The following ALOX5 variants were observed in gnomAD, a reference collection of about 807,000 sequenced individuals.
ALOX5 encodes the protein polyunsaturated fatty acid 5-lipoxygenase.
Under a neutral mutation model 87.9 loss-of-function variants are expected in ALOX5, and 64 were observed. The ratio of observed to expected loss-of-function variants is 0.73; its 90% CI spans 0.60 to 0.90. The LOEUF is 0.90. ALOX5 is among the 40% of genes least tolerant of loss of function. ALOX5 has a pLI of 0.00. For synonymous variants in ALOX5, 388 were observed against 355.1 expected (o/e 1.09, Z -1.04); for missense variants, 822 against 907.5 (o/e 0.91, Z 1.21).
At chr10:45,401,344 G>C (rs1340623329) in intron 3 of ALOX5, among the ~76,000 whole-genome samples, 2 of 151,900 alleles carry the variant, frequency 1.3e-5, no homozygotes, top group Non-Finnish European at 2.9e-5. Flanking sequence ...AGTATATCTG[G>C]GTTGTTTTTT....
intron 2 of ALOX5, among the ~76,000 whole-genome samples, chr10:45,392,052 G>A (rs942075822): frequency 9.2e-5 from 14 of 151,402 alleles, no homozygotes; most frequent in South Asian, 4.2e-4. Flanking sequence ...TCAGCCCCCC[G>A]CCCGGCCAGC....
rs368203077 is a variant in ALOX5 at position 45,431,666 on chromosome 10, A to G, written c.981+2902A>G. On this transcript the variant is annotated intron_variant, in intron 7 of 13. Transcript: ENST00000374391. Reference sequence around the variant, plus strand: ...CGGCTCACTGCAACCTCCACCTCCCAGGTTCAAGCAATTCTCCTGCCTCAG... The same window carrying G: ...CGGCTCACTGCAACCTCCACCTCCCGGGTTCAAGCAATTCTCCTGCCTCAG... 3.8e-3 allele frequency among the ~76,000 whole-genome samples: 581 copies of G among 152,050 alleles called. 12 individuals carry two copies. In the East Asian group the frequency reaches 0.053, roughly 14 times the overall value.
chr10:45,395,785 C>T, intron 2 of ALOX5, 70 bp from the exon 3 acceptor site: 1 of 1,430,130 alleles, frequency 7.0e-7, no homozygotes, highest in South Asian at 1.2e-5. Context: ...TGAGGGAAGC[C>T]TGAACACTTG....
In ALOX5 at chr10:45,409,411, T is replaced by C. The variant is rs191062130; in HGVS notation, c.432-2780T>C. On this transcript the variant is annotated intron_variant, in intron 3 of 13. Coordinates refer to ENST00000374391, the MANE Select transcript of ALOX5 (RefSeq NM_000698.5). ...ATTATTCTCTTTGTCTGTTTCTCTATTGAAGTCTTCATTCAGAAATCATGT... is the reference window on the plus strand; with the variant it reads ...ATTATTCTCTTTGTCTGTTTCTCTACTGAAGTCTTCATTCAGAAATCATGT... 2.0e-5 allele frequency among the ~76,000 whole-genome samples: 3 copies of C among 152,366 alleles called. No individual in the cohort carries two copies. The East Asian group carries it at 5.8e-4, about 29-fold the overall frequency.
At chr10:45,410,444 T>C (rs775680302) in intron 3 of ALOX5, among the ~76,000 whole-genome samples, 1 of 152,196 alleles carries the variant, frequency 6.6e-6, no homozygotes, top group African/African-American at 2.4e-5. Flanking sequence ...CAGTGAGAAA[T>C]GTAAGGTGCC....
chr10:45,387,603 G>A (rs1425957910), intron 2 of ALOX5, among the ~76,000 whole-genome samples: 2 of 152,120 alleles, frequency 1.3e-5, no homozygotes, highest in Non-Finnish European at 2.9e-5. Context: ...AAATGCACAC[G>A]CAGGCCAGAG....
chr10:45,401,489 T>A (rs1317919476), intron 3 of ALOX5, among the ~76,000 whole-genome samples: 1 of 152,252 alleles, frequency 6.6e-6, no homozygotes, highest in African/African-American at 2.4e-5. Flanking sequence ...ATTCACTTTT[T>A]AAAATTTGGG....
intron 3 of ALOX5, among the ~76,000 whole-genome samples, chr10:45,401,554 A>G (rs1352269550): frequency 6.6e-6 from 1 of 152,164 alleles, no homozygotes; most frequent in Non-Finnish European, 1.5e-5. Context: ...GCAGTGTAGC[A>G]AAAATCATTT....
At chr10:45,421,037 T>C (rs1386206588) in intron 4 of ALOX5, among the ~76,000 whole-genome samples, 1 of 152,224 alleles carries the variant, frequency 6.6e-6, no homozygotes, top group African/African-American at 2.4e-5. Flanking sequence ...TCACTGCCCC[T>C]AGGCCAGGTG....
chr10:45,378,885 A>T (rs1355712471), intron 1 of ALOX5, among the ~76,000 whole-genome samples: 1 of 152,146 alleles, frequency 6.6e-6, no homozygotes, highest in Non-Finnish European at 1.5e-5. Flanking sequence ...CCTGCTGTGG[A>T]AGTCCCTGTC....
chr10:45,403,187 C>T (rs1840761582), intron 3 of ALOX5, among the ~76,000 whole-genome samples: 1 of 152,206 alleles, frequency 6.6e-6, no homozygotes, highest in African/African-American at 2.4e-5. Flanking sequence ...CTCACAACAG[C>T]ATTACTCATG....
chr10:45,384,054 G>A (rs1295487319), intron 2 of ALOX5, among the ~76,000 whole-genome samples: 6 of 152,188 alleles, frequency 3.9e-5, no homozygotes, highest in Non-Finnish European at 4.4e-5. Context: ...CATCACAAAG[G>A]TGTGGGCCCA....
chr10:45,388,921 C>G (rs773438406), intron 2 of ALOX5, among the ~76,000 whole-genome samples: 1 of 151,466 alleles, frequency 6.6e-6, no homozygotes, highest in African/African-American at 2.4e-5. Context: ...TGGAACCCAT[C>G]GCAAAAAAAG....
At chr10:45,382,818 G>C (rs2303886) in intron 2 of ALOX5, 137 bp downstream of exon 2, 1 of 1,026,802 alleles carries the variant, frequency 9.7e-7, no homozygotes, top group Non-Finnish European at 1.4e-6. Flanking sequence ...CCTGTGCCTC[G>C]ACACACCTGC....
chr10:45,403,724 G>A (rs1840782236), intron 3 of ALOX5, among the ~76,000 whole-genome samples: 1 of 152,204 alleles, frequency 6.6e-6, no homozygotes. Flanking sequence ...GTTTATAAAT[G>A]TGTGATTTGT....
chr10:45,376,301 T>C (rs1347496503), intron 1 of ALOX5, among the ~76,000 whole-genome samples: 4 of 114,208 alleles, frequency 3.5e-5, no homozygotes, highest in Non-Finnish European at 6.7e-5. Flanking sequence ...CACATTTCCA[T>C]TGGGTTGAGA....
At chr10:45,396,619 ACCCAGATAGC>A in intron 3 of ALOX5, among the ~76,000 whole-genome samples, 1 of 152,324 alleles carries the variant, frequency 6.6e-6, no homozygotes, top group East Asian at 1.9e-4. Context: ...AGAAGCCCAG[ACCCAGATAGC>A]TTCACTGGCT....
intron 1 of ALOX5, among the ~76,000 whole-genome samples, chr10:45,375,260 G>A (rs1839558652): frequency 6.6e-6 from 1 of 152,176 alleles, no homozygotes; most frequent in African/African-American, 2.4e-5. Context: ...CTCAGCATTT[G>A]GAAGCTAGTT....
At chr10:45,403,588 C>T (rs1840777345) in intron 3 of ALOX5, among the ~76,000 whole-genome samples, 1 of 151,994 alleles carries the variant, frequency 6.6e-6, no homozygotes, top group Admixed American at 6.6e-5. Flanking sequence ...TGTGTGTGTG[C>T]ATATATACAT....
Sources: gnomAD v4.1 joint callset for allele counts (sites outside exome capture counted in the v4.1 genomes callset) on GRCh38, gnomAD v4.1.1 for gene constraint, MANE v1.5 for transcripts, NCBI Gene and HGNC (gene_info 2026-07-23, HGNC 2026-07-21) for gene names.